Variants in SH3PXD2A observed in about 807,000 individuals in gnomAD.
SH3PXD2A encodes the protein SH3 and PX domain-containing protein 2A.
SH3PXD2A carries 32 observed loss-of-function variants against 115.2 expected under a neutral mutation model. That is an observed-to-expected ratio of 0.28 (90% confidence interval 0.21 to 0.37). The LOEUF is 0.37. Among genes scored for constraint, SH3PXD2A ranks in the 10% least tolerant of loss-of-function variants. SH3PXD2A has a pLI of 1.00. For missense variants in SH3PXD2A, 1,328 were observed against 1,498.7 expected, an observed-to-expected ratio of 0.89 and a Z score of 1.88; for synonymous variants, 610 against 629.1, an observed-to-expected ratio of 0.97 and a Z score of 0.45.
At chr10:103,653,282 A>G (rs4918037) in intron 8 of SH3PXD2A, among the ~76,000 whole-genome samples, 133,739 of 152,244 alleles carry the variant, frequency 0.88, 58,845 homozygotes, top group East Asian at 1. Context: ...TCGGAAGACC[A>G]GCTTCACAGG....
At chr10:103,686,240 T>C (rs1053562670) in intron 6 of SH3PXD2A, among the ~76,000 whole-genome samples, 19 of 152,232 alleles carry the variant, frequency 1.2e-4, no homozygotes, top group African/African-American at 4.3e-4. Flanking sequence ...CTCATCTGCA[T>C]GTAAACGAGC....
intron 3 of SH3PXD2A, among the ~76,000 whole-genome samples, chr10:103,750,900 A>C (rs1024059238): frequency 1.3e-5 from 2 of 152,220 alleles, no homozygotes. Flanking sequence ...CAATTTTGTC[A>C]GCACTACCCA....
intron 1 of SH3PXD2A, among the ~76,000 whole-genome samples, chr10:103,848,901 A>C (rs1842871566): frequency 6.8e-6 from 1 of 147,282 alleles, no homozygotes; most frequent in Non-Finnish European, 1.5e-5. Context: ...AACTCATTTC[A>C]TCTTCATCAT....
intron 8 of SH3PXD2A, among the ~76,000 whole-genome samples, chr10:103,636,484 G>A (rs1415063286): frequency 6.6e-6 from 1 of 151,902 alleles, no homozygotes; most frequent in Non-Finnish European, 1.5e-5. Flanking sequence ...AGAGGGAAAT[G>A]AAAGAGTGAG....
At chr10:103,646,722 C>G (rs1299407693) in intron 8 of SH3PXD2A, among the ~76,000 whole-genome samples, 1 of 152,226 alleles carries the variant, frequency 6.6e-6, no homozygotes, top group Non-Finnish European at 1.5e-5. Context: ...GCATCAGTGC[C>G]TGGCATACAG....
chr10:103,597,984 A>T lies in SH3PXD2A; in HGVS notation c.*3832T>A, dbSNP rs1167294052. 6.6e-6 allele frequency: 1 copy of T among 152,532 alleles called. No individual in the cohort carries two copies. Among genetic ancestry groups the T allele is most frequent in the African/African-American group, 2.4e-5 (1 of 41,476 alleles). 9.4% of individuals were successfully genotyped at this position (152,532 alleles called of 1,614,324 possible). On this transcript the variant is annotated 3_prime_UTR_variant, in exon 15 of 15. Transcript: ENST00000369774. ...CTGCAAACACTAGTAATAGGAAAATAATGCCTGACTGGAATTCCCTTGTCT... is the reference window on the plus strand; with the variant it reads ...CTGCAAACACTAGTAATAGGAAAATTATGCCTGACTGGAATTCCCTTGTCT...
chr10:103,602,800 C>T lies in SH3PXD2A; in HGVS notation c.2418G>A (p.Thr806=), dbSNP rs748266914. Residue 806 remains threonine (T), a synonymous_variant, in exon 15 of 15, where the codon ACG becomes ACA. Transcript: ENST00000369774. ...KSEDSELPPQ[T]ASEAPSEGSR... The stretch of plus-strand genomic sequence containing the variant: ...ACCCCTCACTGGGAGCCTCGGAGGC[C>T]GTCTGCGGGGGCAGCTCCGAATCCT... 8.3e-5 allele frequency: 134 copies of T among 1,614,006 alleles called. No homozygotes were observed. The highest frequency in any genetic ancestry group is 1.1e-4 in the Non-Finnish European group (132 of 1,180,022).
intron 1 of SH3PXD2A, among the ~76,000 whole-genome samples, chr10:103,816,997 ATTTTTTTTT>A (rs56260224): frequency 3.0e-5 from 3 of 99,606 alleles, no homozygotes; most frequent in Admixed American, 1.2e-4. Flanking sequence ...CACCCGGCTA[ATTTTTTTTT>A]TTTTTTTTTT....
chr10:103,795,946 GGAAGGAAGGAAA>G (rs2039083763), intron 2 of SH3PXD2A, among the ~76,000 whole-genome samples: 2 of 149,308 alleles, frequency 1.3e-5, no homozygotes, highest in African/African-American at 4.9e-5. Flanking sequence ...AAGGAAGGAA[GGAAGGAAGGAAA>G]CCAGAGACAT....
At chr10:103,850,219 T>G (rs924489821) in intron 1 of SH3PXD2A, among the ~76,000 whole-genome samples, 3 of 152,142 alleles carry the variant, frequency 2.0e-5, no homozygotes, top group Non-Finnish European at 4.4e-5. Context: ...ATAGGTTTAT[T>G]TTTCCCTTCT....
intron 1 of SH3PXD2A, among the ~76,000 whole-genome samples, chr10:103,837,823 C>T (rs192512242): frequency 1.2e-4 from 19 of 152,270 alleles, no homozygotes; most frequent in African/African-American, 3.6e-4. Context: ...CAGAAGACAC[C>T]GTCACCTGCT....
chr10:103,739,552 G>A (rs896724186), intron 3 of SH3PXD2A, among the ~76,000 whole-genome samples: 2 of 152,072 alleles, frequency 1.3e-5, no homozygotes, highest in African/African-American at 4.8e-5. Context: ...ACCGGTGACC[G>A]TATAAAAAGG....
At chr10:103,741,498 C>T (rs2038443623) in intron 3 of SH3PXD2A, among the ~76,000 whole-genome samples, 3 of 152,138 alleles carry the variant, frequency 2.0e-5, no homozygotes, top group South Asian at 2.1e-4. Context: ...TCCTCAGGAC[C>T]CCCTCTCATC....
intron 1 of SH3PXD2A, among the ~76,000 whole-genome samples, chr10:103,830,305 G>A (rs1387295705): frequency 6.6e-6 from 1 of 152,204 alleles, no homozygotes; most frequent in African/African-American, 2.4e-5. Context: ...GATAGGAAGA[G>A]ATTAAAACTC....
At chr10:103,816,029 G>A (rs1227704465) in intron 1 of SH3PXD2A, among the ~76,000 whole-genome samples, 1 of 152,154 alleles carries the variant, frequency 6.6e-6, no homozygotes, top group Non-Finnish European at 1.5e-5. Flanking sequence ...TTGGTCAAAG[G>A]ATACAAATTT....
At chr10:103,722,721 G>A (rs2038196972) in intron 5 of SH3PXD2A, among the ~76,000 whole-genome samples, 1 of 152,068 alleles carries the variant, frequency 6.6e-6, no homozygotes, top group South Asian at 2.1e-4. Flanking sequence ...GAAGTTACGA[G>A]GGATCTGCCT....
chr10:103,700,041 G>C (rs1377679285), intron 5 of SH3PXD2A, among the ~76,000 whole-genome samples: 1 of 152,240 alleles, frequency 6.6e-6, no homozygotes, highest in African/African-American at 2.4e-5. Context: ...GAGGGTCTCT[G>C]CTGCTGCCCT....
At chr10:103,760,677 T>C (rs918238363) in intron 3 of SH3PXD2A, among the ~76,000 whole-genome samples, 23 of 151,706 alleles carry the variant, frequency 1.5e-4, no homozygotes, top group Non-Finnish European at 2.8e-4. Context: ...GAGGGAAAGA[T>C]GAATACTTTT....
intron 5 of SH3PXD2A, among the ~76,000 whole-genome samples, chr10:103,706,444 C>T (rs1308783298): frequency 6.6e-6 from 1 of 152,230 alleles, no homozygotes; most frequent in Non-Finnish European, 1.5e-5. Flanking sequence ...AATACACTTT[C>T]TGGCACCCCC....
Sources: gnomAD v4.1 joint callset for allele counts (sites outside exome capture counted in the v4.1 genomes callset) on GRCh38, gnomAD v4.1.1 for gene constraint, MANE v1.5 for transcripts, NCBI Gene and HGNC (gene_info 2026-07-23, HGNC 2026-07-21) for gene names.